The following PLEKHG1 variants were observed in gnomAD, a reference collection of about 807,000 sequenced individuals.
PLEKHG1 encodes pleckstrin homology domain-containing family G member 1.
In PLEKHG1, 44 loss-of-function variants were observed where a neutral mutation model predicts 100.8. The ratio of observed to expected loss-of-function variants is 0.44; its 90% CI spans 0.34 to 0.56. The LOEUF is 0.56. PLEKHG1 is among the 20% of genes least tolerant of loss of function. The probability of loss-of-function intolerance (pLI) is 0.01; values close to 1 mark genes in which losing one functional copy is unlikely to be tolerated. For synonymous variants in PLEKHG1, 640 were observed against 662.5 expected (o/e 0.97, Z 0.52); for missense variants, 1,545 against 1,720.9 (o/e 0.90, Z 1.81).
In PLEKHG1 at chr6:150,839,696, CATCCTT is replaced by C. The variant is rs1023040786; in HGVS notation, c.3095-135_3095-130del. ...TGTTGCTCAGAGTTCAAAGATTACT[CATCCTT>C]AGACATCAGTTAGTCTTGTCTACTG... On this transcript the variant is annotated intron_variant, in intron 15 of 15. Transcript: ENST00000358517. The C allele has an allele frequency of 6.6e-6, 4 of 604,720 alleles. No homozygotes were observed. The African/African-American group carries it at 7.4e-5, about 11-fold the overall frequency. The allele number at this position is 604,720 out of a possible 1,614,324, so 37.5% of individuals were successfully genotyped here.
In PLEKHG1 at chr6:150,831,674, G is replaced by A. The variant is rs774611425; in HGVS notation, c.2563G>A (p.Asp855Asn). The stretch of plus-strand genomic sequence containing the variant: ...CAAGAAAAATGAAGACAAGGCCAGA[G>A]ACCGTCTCCTGGCAGCGTTTCCTGT... The change falls in exon 15 of 16, where the codon GAC becomes AAC. Residue 855 changes from aspartate (D) to asparagine (N), a missense_variant. Physicochemically the swap from Asp to Asn is conservative, Grantham distance 23. Coordinates refer to ENST00000358517, the Ensembl canonical transcript of PLEKHG1. This position sits in a 1 kb window ranked among gnomAD's most constrained non-coding sequence, Gnocchi z 4.1. 1.9e-6 allele frequency: 3 copies of A among 1,612,972 alleles called. No individual in the cohort carries two copies. In the Admixed American group the frequency reaches 5.0e-5, roughly 27 times the overall value.
chr6:150,615,907 C>G (rs2128555103), intron 1 of PLEKHG1, among the ~76,000 whole-genome samples: 1 of 152,324 alleles, frequency 6.6e-6, no homozygotes, highest in Admixed American at 6.5e-5. Flanking sequence ...CTCACTAGTC[C>G]AGGTGATGTT....
At chr6:150,698,499 T>TAC (rs3072714) in intron 3 of PLEKHG1, among the ~76,000 whole-genome samples, 5 of 151,782 alleles carry the variant, frequency 3.3e-5, no homozygotes, top group African/African-American at 9.7e-5. Flanking sequence ...ATACTATATA[T>TAC]ACACACACAC....
chr6:150,611,880 C>T (rs1053687840), intron 1 of PLEKHG1, among the ~76,000 whole-genome samples: 2 of 151,580 alleles, frequency 1.3e-5, no homozygotes, highest in Non-Finnish European at 2.9e-5. Flanking sequence ...CATTTCTGCT[C>T]AAATAGTGAG....
At position 150,771,678 on chromosome 6, in the gene PLEKHG1, C is replaced by T. The variant is rs74410451; in HGVS notation, c.512+2940C>T. 4.8e-3 allele frequency among the ~76,000 whole-genome samples: 729 copies of T among 152,036 alleles called. 2 individuals carry two copies. Among genetic ancestry groups the T allele is most frequent in the African/African-American group, 0.016 (671 of 41,502 alleles). ...AATAGGTGTATCGATTTCAAAGATA[C>T]ACCTATCTGGCAAATCTGTGGTTGG... On this transcript the variant is annotated intron_variant, in intron 3 of 15. Transcript: ENST00000358517.
rs188703361 is a variant in PLEKHG1 at position 150,609,856 on chromosome 6, G to A, written c.-204+9839G>A. On this transcript the variant is annotated intron_variant, in intron 1 of 3. Coordinates refer to the PLEKHG1 transcript ENST00000367326. ...ACAAGGCAGCCACAGGAGAAAGAACGTGTGGGGCTTGGACAGCATAGCTAC... is the reference window on the plus strand; with the variant it reads ...ACAAGGCAGCCACAGGAGAAAGAACATGTGGGGCTTGGACAGCATAGCTAC... 5.3e-5 allele frequency among the ~76,000 whole-genome samples: 8 copies of A among 152,310 alleles called. No individual in the cohort carries two copies. The East Asian group carries it at 7.7e-4, about 15-fold the overall frequency.
chr6:150,689,007 T>C (rs1780246864), intron 3 of PLEKHG1, among the ~76,000 whole-genome samples: 1 of 152,244 alleles, frequency 6.6e-6, no homozygotes, highest in Non-Finnish European at 1.5e-5. Flanking sequence ...CAAACAAAAA[T>C]TCTGTAACCA....
chr6:150,823,706 A>G lies in PLEKHG1; in HGVS notation c.1470+30A>G, dbSNP rs779393387. The G allele has an allele frequency of 3.7e-5, 59 of 1,587,420 alleles. 2 individuals are homozygous for G. In the South Asian group the frequency reaches 5.2e-4, roughly 14 times the overall value. On this transcript the variant is annotated intron_variant, in intron 14 of 15. Transcript: ENST00000358517. ...GCTCTATCTCATTTCTTACTTGGAA[A>G]TGTTCACTTCAGGCACCTTTCATAG...
At chr6:150,795,872 T>G in exon 5 of PLEKHG1, 1 of 1,604,892 alleles carries the variant, frequency 6.2e-7, no homozygotes, top group Non-Finnish European at 8.5e-7. Flanking sequence ...GAGTTCCACA[T>G]TTATACCCAG....
At chr6:150,713,634 C>T (rs996283694) in intron 3 of PLEKHG1, among the ~76,000 whole-genome samples, 2 of 152,088 alleles carry the variant, frequency 1.3e-5, no homozygotes, top group South Asian at 2.1e-4. Flanking sequence ...TGAGCCAGTT[C>T]GGAGATTGAT....
At chr6:150,720,085 A>G (rs907527588), upstream of PLEKHG1, among the ~76,000 whole-genome samples, 17 of 152,224 alleles carry the variant, frequency 1.1e-4, no homozygotes, top group African/African-American at 3.9e-4. Flanking sequence ...ACTTCTATTT[A>G]AAGGGTTTTC....
intron 3 of PLEKHG1, among the ~76,000 whole-genome samples, chr6:150,774,051 CTGTA>C (rs1292463792): frequency 1.3e-5 from 2 of 152,186 alleles, no homozygotes; most frequent in Non-Finnish European, 2.9e-5. Flanking sequence ...TATGTCAATA[CTGTA>C]ACAAACTTTC....
At chr6:150,628,182 G>GTTT (rs1429124552) in intron 1 of PLEKHG1, among the ~76,000 whole-genome samples, 3 of 152,184 alleles carry the variant, frequency 2.0e-5, no homozygotes, top group Admixed American at 2.0e-4. Context: ...AGGGAAGGCT[G>GTTT]TTGCTGCAGT....
chr6:150,688,141 G>A (rs551518964), intron 3 of PLEKHG1, among the ~76,000 whole-genome samples: 50 of 145,468 alleles, frequency 3.4e-4, no homozygotes, highest in African/African-American at 1.2e-3. Context: ...CGTAAGAAGT[G>A]CGAATCACAG....
At chr6:150,828,957 A>G (rs1405523653) in intron 14 of PLEKHG1, among the ~76,000 whole-genome samples, 1 of 152,220 alleles carries the variant, frequency 6.6e-6, no homozygotes, top group African/African-American at 2.4e-5. Context: ...ATGTGTGAAA[A>G]GAAATAAATG....
intron 3 of PLEKHG1, among the ~76,000 whole-genome samples, chr6:150,659,661 T>C (rs1464021679): frequency 6.6e-6 from 1 of 152,218 alleles, no homozygotes. Flanking sequence ...TTCAGATTCC[T>C]TCTCCTTTTT....
rs750823433 is a variant in PLEKHG1, at chr6:150,809,341, T to C, written c.1096-40T>C. 5.0e-6 allele frequency: 8 copies of C among 1,610,908 alleles called. No individual in the cohort carries two copies. The South Asian group carries it at 5.5e-5, about 11-fold the overall frequency. ...GACTCAGATCCCCAGTTCTGTTCCCTCCTGAGTGTGCCTCACCCTCTCTGC... is the reference window on the plus strand; with the variant it reads ...GACTCAGATCCCCAGTTCTGTTCCCCCCTGAGTGTGCCTCACCCTCTCTGC... On this transcript the variant is annotated intron_variant, in intron 8 of 15. Transcript: ENST00000358517.
chr6:150,733,888 G>A lies in PLEKHG1; in HGVS notation c.207G>A (p.Arg69=), dbSNP rs764511330. ...CGTTTTCCAGCAGCGAGCTGCAGAG[G>A]GACAACCCCGCCACGGGGCAACAGA... Residue 69 remains arginine (R), a synonymous_variant, in exon 2 of 16, where the codon AGG becomes AGA. Transcript: ENST00000358517. The A allele has an allele frequency of 2.1e-5, 34 of 1,614,036 alleles. 1 individual carries two copies. The highest frequency in any genetic ancestry group is 5.5e-5 in the South Asian group (5 of 91,094).
At chr6:150,755,888 A>C (rs1014195240) in intron 2 of PLEKHG1, among the ~76,000 whole-genome samples, 2 of 152,188 alleles carry the variant, frequency 1.3e-5, no homozygotes, top group African/African-American at 4.8e-5. Flanking sequence ...TTAAAGATTT[A>C]ATTTTTAATT....
Sources: allele counts gnomAD v4.1 joint callset (sites outside exome capture counted in the v4.1 genomes callset), GRCh38; gene constraint gnomAD v4.1.1; non-coding constraint Gnocchi (gnomAD v3.1); transcripts MANE v1.5; gene names NCBI Gene and HGNC (gene_info 2026-07-23, HGNC 2026-07-21).